IQSEC1: variants seen among roughly 807,000 people sequenced by gnomAD.
The protein encoded by IQSEC1 is IQ motif and SEC7 domain-containing protein 1.
A neutral mutation model predicts 91.0 loss-of-function variants in IQSEC1; 31 were observed. The ratio of observed to expected loss-of-function variants is 0.34; its 90% CI spans 0.26 to 0.46. IQSEC1 has a LOEUF of 0.46. Ranked by LOEUF, IQSEC1 falls within the 20% of genes least tolerant of loss-of-function variation. The pLI is 1.00. For missense variants in IQSEC1, 1,388 were observed against 1,575.6 expected (o/e 0.88, Z 2.02); for synonymous variants, 699 against 662.6 (o/e 1.05, Z -0.84).
intron 1 of IQSEC1, among the ~76,000 whole-genome samples, chr3:13,060,847 G>A (rs1234084962): frequency 6.6e-6 from 1 of 152,220 alleles, no homozygotes; most frequent in African/African-American, 2.4e-5. Flanking sequence ...AGGGAACACA[G>A]GGCTACGCCC....
intron 1 of IQSEC1, among the ~76,000 whole-genome samples, chr3:13,181,850 T>C (rs1465242278): frequency 1.3e-5 from 2 of 152,394 alleles, no homozygotes; most frequent in Non-Finnish European, 2.9e-5. Context: ...TTTTTGAATA[T>C]GTTTAAACAT....
Position 13,262,456 on chromosome 3 carries a change from A to G in IQSEC1, c.272+20255T>C, listed in dbSNP as rs144864656. 4.2e-3 allele frequency among the ~76,000 whole-genome samples: 634 copies of G among 152,282 alleles called. 8 individuals are homozygous for G. The highest frequency in any genetic ancestry group is 0.014 in the African/African-American group (595 of 41,552). On this transcript the variant is annotated intron_variant, in intron 1 of 15. Transcript: ENST00000648114. The stretch of plus-strand genomic sequence containing the variant: ...CCACTGCCACAGTTTCCTGGTCTAT[A>G]AAATGCAGATAGTAACACCTGCCTT...
Position 12,909,304 on chromosome 3 carries a change from T to A in IQSEC1, c.2547A>T (p.Glu849Asp). ...FTDDLRESIA[E>D]VQEMEKHRIE... ...TCCTGTGCTTCTCCATCTCTTGGAC[T>A]TCCGCAATGGACTCCCGCAGGTCAT... Residue 849 changes from glutamate (E) to aspartate (D), a missense_variant, in exon 11 of 14, where the codon GAA becomes GAT. Glu to Asp is a conservative substitution (Grantham distance 45). This residue lies in a region of IQSEC1 where 1,059 missense variants were observed against 1,317.8 expected (regional missense o/e 0.80). Coordinates refer to ENST00000613206, the MANE Select transcript of IQSEC1 (RefSeq NM_001134382.3). This position sits in a 1 kb window ranked among gnomAD's most constrained non-coding sequence, Gnocchi z 4.9. The A allele has an allele frequency of 6.2e-7, 1 of 1,614,252 alleles. No homozygotes were observed. The highest frequency in any genetic ancestry group is 8.5e-7 in the Non-Finnish European group (1 of 1,180,038).
chr3:13,170,534 A>G (rs573197854), intron 1 of IQSEC1, among the ~76,000 whole-genome samples: 2 of 152,318 alleles, frequency 1.3e-5, no homozygotes, highest in African/African-American at 4.8e-5. Flanking sequence ...CAGACACTCA[A>G]TGCCAGCCAG....
chr3:12,938,057 C>T (rs1412868807), intron 2 of IQSEC1, among the ~76,000 whole-genome samples: 1 of 152,208 alleles, frequency 6.6e-6, no homozygotes, highest in Non-Finnish European at 1.5e-5. Context: ...CACCTTGCTC[C>T]TGAGTGGACA....
At chr3:13,277,796 C>T (rs73016845) in intron 1 of IQSEC1, among the ~76,000 whole-genome samples, 1 of 152,084 alleles carries the variant, frequency 6.6e-6, no homozygotes, top group South Asian at 2.1e-4. Context: ...AGAGCCCTCT[C>T]GGCCTCACTC....
At chr3:13,212,566 T>C (rs1260377812) in intron 1 of IQSEC1, among the ~76,000 whole-genome samples, 1 of 152,232 alleles carries the variant, frequency 6.6e-6, no homozygotes, top group Non-Finnish European at 1.5e-5. Flanking sequence ...GTAACACATG[T>C]CTAACTGCTC....
intron 1 of IQSEC1, among the ~76,000 whole-genome samples, chr3:13,263,969 G>A (rs886832973): frequency 1.3e-5 from 2 of 152,214 alleles, no homozygotes; most frequent in African/African-American, 4.8e-5. Flanking sequence ...TTGTCCCTGC[G>A]CCTGTCCGCC....
Position 13,193,592 on chromosome 3 carries a change from G to C in IQSEC1, c.273-29459C>G, listed in dbSNP as rs538280168. On this transcript the variant is annotated intron_variant, in intron 1 of 15. Transcript: ENST00000648114. This position sits in a 1 kb window ranked among gnomAD's most constrained non-coding sequence, Gnocchi z 4.2. ...GAGGGGAACAGAAGGTGCAGTTTAG[G>C]GGGTGAGGAGAGAAGTATCATGAGT... Among the ~76,000 whole-genome samples the C allele has an allele frequency of 6.6e-6, 1 of 152,240 alleles. No individual in the cohort carries two copies. Among genetic ancestry groups the C allele is most frequent in the South Asian group, 2.1e-4 (1 of 4,814 alleles).
chr3:12,913,631 A>T (rs1695782954), intron 8 of IQSEC1, 78 bp from the exon 9 acceptor site: 1 of 1,461,234 alleles, frequency 6.8e-7, no homozygotes, highest in Non-Finnish European at 9.2e-7. Context: ...GGAGAAGTCT[A>T]GCCCTTCAAG....
rs1009658186 is a variant in IQSEC1 at position 12,920,356 on chromosome 3, A to G, written c.2020+74T>C. 4 of 1,502,514 alleles carry G rather than the reference A, an allele frequency of 2.7e-6. No homozygotes were observed. In the Admixed American group the frequency reaches 6.8e-5, roughly 26 times the overall value. The allele number at this position is 1,502,514 out of a possible 1,614,324, so 93.1% of individuals were successfully genotyped here. ...AACTGGAGGTTGCCTCACGCCCCTT[A>G]CATCTGGGGAGGGCCTGGCTGGGGC... On this transcript the variant is annotated intron_variant, in intron 6 of 13. Coordinates refer to ENST00000613206, the MANE Select transcript of IQSEC1 (RefSeq NM_001134382.3).
intron 1 of IQSEC1, among the ~76,000 whole-genome samples, chr3:13,216,338 C>T (rs1403753337): frequency 2.6e-5 from 4 of 152,270 alleles, no homozygotes; most frequent in Non-Finnish European, 5.9e-5. Context: ...CAGAGGAACA[C>T]ATGGTCAAAT....
intron 1 of IQSEC1, among the ~76,000 whole-genome samples, chr3:13,190,378 G>A (rs1356056411): frequency 1.3e-5 from 2 of 151,998 alleles, no homozygotes; most frequent in African/African-American, 4.8e-5. Context: ...TCGAGACTGG[G>A]TTGAGAGCAA....
intron 1 of IQSEC1, among the ~76,000 whole-genome samples, chr3:13,208,663 G>A (rs956475334): frequency 2.0e-5 from 3 of 152,330 alleles, no homozygotes; most frequent in Non-Finnish European, 4.4e-5. Context: ...TTTGAGGGAG[G>A]GAACGAATGA....
chr3:13,167,538 T>A (rs1446281576), intron 1 of IQSEC1, among the ~76,000 whole-genome samples: 1 of 150,358 alleles, frequency 6.7e-6, no homozygotes, highest in Non-Finnish European at 1.5e-5. Flanking sequence ...GCCGAGGAGC[T>A]CCCCCAGGCA....
In IQSEC1 at chr3:12,911,657, G is replaced by T; in HGVS notation, c.2388C>A (p.Gly796=). The T allele has an allele frequency of 1.2e-6, 2 of 1,613,820 alleles. No individual in the cohort carries two copies. Among genetic ancestry groups the T allele is most frequent in the Non-Finnish European group, 8.5e-7 (1 of 1,179,824 alleles). The part of the protein sequence containing the change: ...YSFRQSFSLY[G]MQVLLFENQY... ...GGTTCTCGAAGAGCAGGACCTGCATGCCGTACAAGGAGAAGGACTGTCGGA... is the reference window on the plus strand; with the variant it reads ...GGTTCTCGAAGAGCAGGACCTGCATTCCGTACAAGGAGAAGGACTGTCGGA... The change falls in exon 10 of 14, where the codon GGC becomes GGA. Residue 796 remains glycine, a synonymous_variant. Coordinates refer to ENST00000613206, the MANE Select transcript of IQSEC1 (RefSeq NM_001134382.3).
intron 1 of IQSEC1, among the ~76,000 whole-genome samples, chr3:13,272,394 T>G (rs1455469674): frequency 6.6e-6 from 1 of 152,224 alleles, no homozygotes; most frequent in African/African-American, 2.4e-5. Context: ...TCGTACAATA[T>G]TACACTTTCA....
intron 2 of IQSEC1, among the ~76,000 whole-genome samples, chr3:13,129,728 G>A (rs1490410123): frequency 7.1e-6 from 1 of 140,932 alleles, no homozygotes; most frequent in Non-Finnish European, 1.5e-5. Flanking sequence ...CGCCATCTCA[G>A]CTCATTGCAA....
Position 12,901,428 on chromosome 3 carries a change from G to T in IQSEC1, c.2900C>A (p.Ser967Tyr), listed in dbSNP as rs1694291856. The T allele has an allele frequency of 1.3e-6, 2 of 1,547,622 alleles. No homozygotes were observed. Among genetic ancestry groups the T allele is most frequent in the African/African-American group, 1.4e-5 (1 of 73,118 alleles). The change falls in exon 14 of 14, where the codon TCC becomes TAC. Residue 967 changes from serine (S) to tyrosine (Y), a missense_variant. By Grantham distance (144) the Ser-to-Tyr change is moderately radical (BLOSUM62 -2). Transcript: ENST00000613206. ...GCTCCCGAATAAGGAGCCCAGGAGG[G>T]AAGATGAGTTGGGCATAGTCTGGTG... ...RPHQTMPNSS[S>Y]LLGSLFGSKR...
Sources: allele counts gnomAD v4.1 joint callset (sites outside exome capture counted in the v4.1 genomes callset), GRCh38; gene constraint gnomAD v4.1.1; regional missense constraint gnomAD v4.1.1; non-coding constraint Gnocchi (gnomAD v3.1); transcripts MANE v1.5; gene names NCBI Gene and HGNC (gene_info 2026-07-23, HGNC 2026-07-21).